The following CLEC12A variants were observed in gnomAD, a reference collection of about 807,000 sequenced individuals.
The protein encoded by CLEC12A is C-type lectin protein CLL-1.
In CLEC12A, 22 loss-of-function variants were observed where a neutral mutation model predicts 26.5. The observed-to-expected ratio is 0.83, with a 90% CI of 0.59 to 1.19. The LOEUF is 1.19. Ranked by LOEUF, CLEC12A falls within the 50% of genes most tolerant of loss-of-function variation. The pLI, the probability that CLEC12A is intolerant of heterozygous loss-of-function variation, is 0.00. For missense variants in CLEC12A, 353 were observed against 315.6 expected, an observed-to-expected ratio of 1.12 and a Z score of -0.90; for synonymous variants, 119 against 101.9, an observed-to-expected ratio of 1.17 and a Z score of -1.01.
chr12:9,996,923 A>G, downstream of CLEC12A: 5 of 1,614,088 alleles, frequency 3.1e-6, no homozygotes, highest in South Asian at 1.1e-5. Flanking sequence ...TCCCATGTTA[A>G]GTTGTGCCTG....
the CLEC12A span, among the ~76,000 whole-genome samples, chr12:10,005,379 T>C: frequency 2.0e-5 from 3 of 152,328 alleles, no homozygotes; most frequent in Admixed American, 6.5e-5. Flanking sequence ...CTCATGAGGA[T>C]TGGTTTGTTT....
At chr12:9,993,006 T>C (rs920596837) in intron 4 of CLEC12A, 2 of 769,602 alleles carry the variant, frequency 2.6e-6, no homozygotes, top group African/African-American at 1.7e-5. Flanking sequence ...GTAATTCTGA[T>C]AGGAAAGATA....
intron 1 of CLEC12A, among the ~76,000 whole-genome samples, chr12:9,961,420 G>A (rs999164535): frequency 5.3e-5 from 8 of 152,144 alleles, no homozygotes; most frequent in Admixed American, 2.6e-4. Flanking sequence ...CCTGCACATA[G>A]CTACATTCCT....
At chr12:9,961,861 C>T (rs1565547952) in intron 1 of CLEC12A, among the ~76,000 whole-genome samples, 1 of 152,178 alleles carries the variant, frequency 6.6e-6, no homozygotes, top group Admixed American at 6.5e-5. Flanking sequence ...AATCCCTTTG[C>T]AGTGCCCTAG....
exon 5 of CLEC12A, chr12:9,995,105 G>C (rs1865006392): frequency 6.2e-7 from 1 of 1,605,996 alleles, no homozygotes; most frequent in African/African-American, 1.3e-5. Flanking sequence ...AGAGTTTCCA[G>C]TACTCCCTCC....
At chr12:9,998,588 A>C (rs1267399092), downstream of CLEC12A, among the ~76,000 whole-genome samples, 10 of 143,806 alleles carry the variant, frequency 7.0e-5, 2 homozygotes, top group Admixed American at 2.1e-4. Context: ...TCTCCAATGC[A>C]CTTTACCTCT....
chr12:9,974,856 C>A (rs1331755034), intron 1 of CLEC12A, among the ~76,000 whole-genome samples: 1 of 152,172 alleles, frequency 6.6e-6, no homozygotes, highest in Non-Finnish European at 1.5e-5. Context: ...CAAATCTCAT[C>A]TTGAATTGTA....
downstream of CLEC12A, among the ~76,000 whole-genome samples, chr12:9,986,862 A>G (rs1159043194): frequency 6.6e-6 from 1 of 152,186 alleles, no homozygotes; most frequent in Admixed American, 6.5e-5. Flanking sequence ...GATTGGCCAT[A>G]TAGGCTTCTT....
chr12:10,003,588 A>G, the CLEC12A span, among the ~76,000 whole-genome samples: 1 of 152,252 alleles, frequency 6.6e-6, no homozygotes, highest in African/African-American at 2.4e-5. Flanking sequence ...AATAAAGGTC[A>G]GGAAGTTCGA....
At chr12:9,957,966 G>A (rs1285136101) in intron 1 of CLEC12A, among the ~76,000 whole-genome samples, 1 of 152,242 alleles carries the variant, frequency 6.6e-6, no homozygotes, top group Non-Finnish European at 1.5e-5. Flanking sequence ...AAGCCTAGAT[G>A]TGGGTCTGTC....
chr12:9,993,963 G>A (rs1864964271), intron 4 of CLEC12A, among the ~76,000 whole-genome samples: 2 of 151,986 alleles, frequency 1.3e-5, no homozygotes, highest in South Asian at 4.2e-4. Flanking sequence ...TCTTGTTGGG[G>A]AACTTTCATT....
intron 1 of CLEC12A, among the ~76,000 whole-genome samples, chr12:9,960,618 C>T (rs540187657): frequency 1.6e-4 from 24 of 152,164 alleles, no homozygotes; most frequent in Non-Finnish European, 3.5e-4. Flanking sequence ...CCAGATTCTC[C>T]ATGATTGAGG....
downstream of CLEC12A, chr12:9,998,532 A>G (rs893192390): frequency 3.8e-6 from 2 of 519,980 alleles, no homozygotes; most frequent in Non-Finnish European, 7.1e-6. Flanking sequence ...CCTCATGATC[A>G]TCAACAATAG....
chr12:10,002,584 A>T, the CLEC12A span, among the ~76,000 whole-genome samples: 8 of 150,974 alleles, frequency 5.3e-5, no homozygotes, highest in Middle Eastern at 3.4e-3. Context: ...TTGGGACTAC[A>T]GGCGCCCGCC....
chr12:9,971,708 T>C (rs762464486), intron 1 of CLEC12A, 21 bp downstream of exon 1: 2 of 1,604,020 alleles, frequency 1.2e-6, no homozygotes, highest in Middle Eastern at 1.9e-4. Context: ...GAGTTATGGA[T>C]GTGTTGTAAG....
At chr12:9,953,691 C>T (rs1328847068) in intron 1 of CLEC12A, among the ~76,000 whole-genome samples, 4 of 151,636 alleles carry the variant, frequency 2.6e-5, no homozygotes, top group Admixed American at 2.0e-4. Context: ...GCCCGGCCAC[C>T]ACCCCGTCTG....
At position 9,979,495 on chromosome 12, in the gene CLEC12A, T is replaced by TA. The variant is rs1281349840; in HGVS notation, c.351dup (p.Cys118MetfsTer3). On this transcript the variant is annotated frameshift_variant, in exon 3 of 6. Coordinates refer to ENST00000304361, the MANE Select transcript of CLEC12A (RefSeq NM_138337.6). LOFTEE classifies it high-confidence loss of function. ...ACACTGCAAACAATAGCCACCAAAT[T>TA]ATGTCGTGAGCTATATAGCAAAGAA... 1 of 1,613,058 alleles carries TA rather than the reference T, an allele frequency of 6.2e-7. No individual in the cohort carries two copies.
intron 5 of CLEC12A, chr12:9,983,817 T>C (rs1186725474): frequency 3.0e-6 from 1 of 328,720 alleles, no homozygotes; most frequent in Non-Finnish European, 5.7e-6. Flanking sequence ...GCCCTACCTC[T>C]GATGGTTGGC....
upstream of CLEC12A, among the ~76,000 whole-genome samples, chr12:9,967,967 G>T (rs1457146113): frequency 6.6e-6 from 1 of 152,162 alleles, no homozygotes; most frequent in East Asian, 1.9e-4. Context: ...GGAGTTTTGG[G>T]TCTATGAATA....
Sources: allele counts gnomAD v4.1 joint callset (sites outside exome capture counted in the v4.1 genomes callset), GRCh38; gene constraint gnomAD v4.1.1; transcripts MANE v1.5; gene names NCBI Gene and HGNC (gene_info 2026-07-23, HGNC 2026-07-21).